Variants in DIAPH3 observed in about 807,000 individuals in gnomAD.
DIAPH3 encodes diaphanous related formin 3.
Under a neutral mutation model 144.3 loss-of-function variants are expected in DIAPH3, and 117 were observed. The ratio of observed to expected loss-of-function variants is 0.81; its 90% CI spans 0.70 to 0.95. The LOEUF is 0.95. Ranked by LOEUF, DIAPH3 falls within the 40% of genes least tolerant of loss-of-function variation. The pLI, the probability that DIAPH3 is intolerant of heterozygous loss-of-function variation, is 0.00. For missense variants in DIAPH3, 1,421 were observed against 1,412.7 expected (o/e 1.01, Z -0.09); for synonymous variants, 519 against 488.9 (o/e 1.06, Z -0.81).
intron 3 of DIAPH3, among the ~76,000 whole-genome samples, chr13:60,094,391 G>A (rs537562247): frequency 1.3e-5 from 2 of 152,222 alleles, no homozygotes; most frequent in South Asian, 4.1e-4. Context: ...CTTGCTACAA[G>A]CTTAATTTTG....
chr13:59,769,282 A>C (rs1233683617), intron 27 of DIAPH3, among the ~76,000 whole-genome samples: 1 of 152,168 alleles, frequency 6.6e-6, no homozygotes, highest in Non-Finnish European at 1.5e-5. Flanking sequence ...AAAACAATCA[A>C]GAAAAGAAAA....
At chr13:59,750,186 G>C (rs2036934466) in intron 27 of DIAPH3, among the ~76,000 whole-genome samples, 1 of 152,138 alleles carries the variant, frequency 6.6e-6, no homozygotes, top group Non-Finnish European at 1.5e-5. Context: ...CAGCCAGGAT[G>C]CACTATCAGT....
At chr13:59,961,022 TA>T (rs1453207614) in intron 17 of DIAPH3, among the ~76,000 whole-genome samples, 9 of 152,182 alleles carry the variant, frequency 5.9e-5, no homozygotes, top group African/African-American at 2.2e-4. Context: ...TTTCTAAAGT[TA>T]ATGGTATGAA....
chr13:59,935,959 A>C (rs2048243693), intron 17 of DIAPH3, among the ~76,000 whole-genome samples: 1 of 152,176 alleles, frequency 6.6e-6, no homozygotes, highest in African/African-American at 2.4e-5. Flanking sequence ...GTAGCAGATA[A>C]ATGCGTATTT....
intron 1 of DIAPH3, among the ~76,000 whole-genome samples, chr13:60,159,016 G>T (rs977779518): frequency 4.7e-5 from 7 of 148,484 alleles, no homozygotes; most frequent in Non-Finnish European, 8.9e-5. Flanking sequence ...CCTTTCAGAA[G>T]ATCATTGTTC....
At chr13:59,839,085 T>C in intron 23 of DIAPH3, 1 of 371,096 alleles carries the variant, frequency 2.7e-6, no homozygotes, top group South Asian at 2.6e-5. Flanking sequence ...CACTCCAGCC[T>C]GGGTTTCAAA....
intron 17 of DIAPH3, among the ~76,000 whole-genome samples, chr13:59,949,481 T>C (rs984895320): frequency 6.6e-6 from 1 of 152,168 alleles, no homozygotes; most frequent in Non-Finnish European, 1.5e-5. Context: ...TTTAATAATA[T>C]AATCTGAAAT....
At chr13:60,029,076 T>G (rs1015379560) in intron 5 of DIAPH3, among the ~76,000 whole-genome samples, 1 of 151,810 alleles carries the variant, frequency 6.6e-6, no homozygotes, top group African/African-American at 2.4e-5. Context: ...AAGGGGGGAT[T>G]TTTTTTCTTC....
intron 25 of DIAPH3, among the ~76,000 whole-genome samples, chr13:59,791,846 C>T (rs1360318288): frequency 1.3e-5 from 2 of 152,130 alleles, no homozygotes; most frequent in Non-Finnish European, 2.9e-5. Context: ...AACACTCCTC[C>T]TCCTGAGACC....
rs1310415860 is a variant in DIAPH3 at position 59,666,524 on chromosome 13, T to TA, written c.*59dup. On this transcript the variant is annotated 3_prime_UTR_variant, in exon 28 of 28. Transcript: ENST00000400324. ...ACATAAAAGCAATTTTTTCAAGTGT[T>TA]ATAGTTTAGAGCATGGCTTTATATT... 3 of 1,598,268 alleles carry TA rather than the reference T, an allele frequency of 1.9e-6. No individual in the cohort carries two copies. The highest frequency in any genetic ancestry group is 3.5e-5 in the Admixed American group (2 of 57,688).
intron 27 of DIAPH3, among the ~76,000 whole-genome samples, chr13:59,703,526 C>G (rs2034234806): frequency 6.6e-6 from 1 of 152,120 alleles, no homozygotes; most frequent in Non-Finnish European, 1.5e-5. Context: ...CTTATCTAAA[C>G]TGCTATTTTA....
At chr13:59,861,623 T>C in intron 21 of DIAPH3, 87 bp from the exon 22 acceptor site, 2 of 1,409,980 alleles carry the variant, frequency 1.4e-6, no homozygotes, top group South Asian at 2.5e-5. Flanking sequence ...CTGTATTTTG[T>C]AGATAAGGAC....
chr13:60,028,000 A>C (rs983252328), intron 5 of DIAPH3, among the ~76,000 whole-genome samples: 1 of 151,986 alleles, frequency 6.6e-6, no homozygotes, highest in Non-Finnish European at 1.5e-5. Context: ...TGATTCTATA[A>C]ATTTCATTGC....
intron 27 of DIAPH3, among the ~76,000 whole-genome samples, chr13:59,769,750 C>T (rs551887686): frequency 9.9e-5 from 15 of 152,046 alleles, no homozygotes; most frequent in Middle Eastern, 3.4e-3. Flanking sequence ...GTGTCAGACC[C>T]GCAATATACT....
intron 20 of DIAPH3, among the ~76,000 whole-genome samples, chr13:59,879,768 C>G (rs1291397311): frequency 6.6e-6 from 1 of 152,026 alleles, no homozygotes; most frequent in Non-Finnish European, 1.5e-5. Context: ...AAAAAGGTAA[C>G]AAGATACATA....
chr13:59,683,209 C>T (rs974941789), intron 27 of DIAPH3, among the ~76,000 whole-genome samples: 3 of 152,126 alleles, frequency 2.0e-5, no homozygotes, highest in African/African-American at 7.2e-5. Context: ...TTATTACCTT[C>T]CCTATGTAAC....
intron 27 of DIAPH3, among the ~76,000 whole-genome samples, chr13:59,684,858 T>C (rs186474868): frequency 4.7e-4 from 71 of 152,310 alleles, no homozygotes; most frequent in African/African-American, 1.5e-3. Flanking sequence ...TTACACATAG[T>C]ATCGTTAAAT....
At chr13:59,840,602 T>C (rs899812740) in intron 22 of DIAPH3, among the ~76,000 whole-genome samples, 5 of 152,142 alleles carry the variant, frequency 3.3e-5, no homozygotes, top group African/African-American at 9.7e-5. Flanking sequence ...TATTCTGACA[T>C]TAACAGCTTT....
At chr13:59,955,115 C>T (rs2049323603) in intron 17 of DIAPH3, among the ~76,000 whole-genome samples, 1 of 150,790 alleles carries the variant, frequency 6.6e-6, no homozygotes, top group African/African-American at 2.4e-5. Context: ...TACACACACA[C>T]TTTTATATAT....
Sources: gnomAD v4.1 joint callset for allele counts (sites outside exome capture counted in the v4.1 genomes callset) on GRCh38, gnomAD v4.1.1 for gene constraint, MANE v1.5 for transcripts, NCBI Gene and HGNC (gene_info 2026-07-23, HGNC 2026-07-21) for gene names.